The following RAP2A variants were observed in gnomAD, a reference collection of about 807,000 sequenced individuals.
The protein encoded by RAP2A is ras-related protein Rap-2a.
Under a neutral mutation model 15.1 loss-of-function variants are expected in RAP2A, and 5 were observed. The observed-to-expected ratio is 0.33, with a 90% confidence interval of 0.17 to 0.70. The LOEUF (loss-of-function observed/expected upper bound fraction) is 0.70, where lower values mean the gene tolerates loss of function less well. Ranked by LOEUF, RAP2A falls within the 30% of genes least tolerant of loss-of-function variation. The probability of loss-of-function intolerance (pLI) is 0.68; values close to 1 mark genes in which losing one functional copy is unlikely to be tolerated. For synonymous variants in RAP2A, 110 were observed against 99.7 expected (o/e 1.10, Z -0.62); for missense variants, 111 against 240.3 (o/e 0.46, Z 3.56).
Position 97,468,396 on chromosome 13 carries a change from G to A in RAP2A, c.*3954G>A, listed in dbSNP as rs953506771. ...GTTTTCAGGTCATGTGGATCCGAAGGTGCCAGAAGCTGAAGGTTGCCGCCA... is the reference window on the plus strand; with the variant it reads ...GTTTTCAGGTCATGTGGATCCGAAGATGCCAGAAGCTGAAGGTTGCCGCCA... On this transcript the variant is annotated 3_prime_UTR_variant, in exon 2 of 2. Coordinates refer to ENST00000245304, the MANE Select transcript of RAP2A (RefSeq NM_021033.7). The A allele has an allele frequency of 4.6e-5, 7 of 152,260 alleles. No homozygotes were observed. Among genetic ancestry groups the A allele is most frequent in the Admixed American group, 3.3e-4 (5 of 15,284 alleles). 9.4% of individuals were successfully genotyped at this position (152,260 alleles called of 1,614,324 possible).
At chr13:97,460,237 T>TGCA (rs2066740604) in intron 1 of RAP2A, among the ~76,000 whole-genome samples, 1 of 152,214 alleles carries the variant, frequency 6.6e-6, no homozygotes, top group Non-Finnish European at 1.5e-5. Context: ...TTACTCCTGA[T>TGCA]GCACACTTTC....
chr13:97,440,937 A>C (rs1445401620), intron 1 of RAP2A, among the ~76,000 whole-genome samples: 3 of 152,200 alleles, frequency 2.0e-5, no homozygotes, highest in Admixed American at 6.5e-5. Context: ...TCTGGGACTT[A>C]CTTATCTTGC....
At chr13:97,445,986 A>G (rs141190212) in intron 1 of RAP2A, among the ~76,000 whole-genome samples, 17 of 152,360 alleles carry the variant, frequency 1.1e-4, no homozygotes, top group African/African-American at 3.6e-4. Context: ...TATTGCTTGC[A>G]TCAGCATATC....
chr13:97,464,342 C>T lies in RAP2A; in HGVS notation c.452C>T (p.Thr151Ile). ...PFMETSAKSK[T>I]MVDELFAEIV... ...ATGGAAACTTCCGCTAAGAGTAAAA[C>T]AATGGTGGACGAACTCTTTGCAGAA... The change falls in exon 2 of 2, where the codon ACA becomes ATA. Residue 151 changes from threonine (T) to isoleucine (I), a missense_variant. Physicochemically the swap from Thr to Ile is moderately conservative, Grantham distance 89. Around this residue, in one of 3 missense-constraint regions of RAP2A, gnomAD observed 74 missense variants for 132.3 expected, o/e 0.56. Transcript: ENST00000245304. 6.2e-7 allele frequency: 1 copy of T among 1,614,176 alleles called. No homozygotes were observed. Among genetic ancestry groups the T allele is most frequent in the Non-Finnish European group, 8.5e-7 (1 of 1,180,022 alleles).
In RAP2A at chr13:97,466,158, A is replaced by G. The variant is rs1019831760; in HGVS notation, c.*1716A>G. 5 of 151,988 alleles carry G rather than the reference A, an allele frequency of 3.3e-5. No individual in the cohort carries two copies. Among genetic ancestry groups the G allele is most frequent in the Non-Finnish European group, 5.9e-5 (4 of 67,990 alleles). 9.4% of individuals were successfully genotyped at this position (151,988 alleles called of 1,614,324 possible). On this transcript the variant is annotated 3_prime_UTR_variant, in exon 2 of 2. Coordinates refer to ENST00000245304, the MANE Select transcript of RAP2A (RefSeq NM_021033.7). ...AAAGTGTCTTTTATACTTTTATGAA[A>G]TCATTGGTAGCCCCCCAAGTGTTTA...
At position 97,435,237 on chromosome 13, in the gene RAP2A, T is replaced by C. The variant is rs147785033; in HGVS notation, c.314+453T>C. On this transcript the variant is annotated intron_variant, in intron 1 of 1. Coordinates refer to ENST00000245304, the MANE Select transcript of RAP2A (RefSeq NM_021033.7). The stretch of plus-strand genomic sequence containing the variant: ...CAAGTCCAGAGGAAGGAGACCTTTC[T>C]CATCTCGTTAAAGGTTTATGGTTCC... 2.9e-3 allele frequency among the ~76,000 whole-genome samples: 443 copies of C among 152,300 alleles called. 1 individual carries two copies. Among genetic ancestry groups the C allele is most frequent in the Non-Finnish European group, 5.0e-3 (338 of 68,026 alleles).
intron 1 of RAP2A, among the ~76,000 whole-genome samples, chr13:97,447,633 A>G (rs1179578128): frequency 6.6e-6 from 1 of 152,256 alleles, no homozygotes; most frequent in East Asian, 1.9e-4. Flanking sequence ...AAGAAAAATA[A>G]TAAAGCATTT....
intron 1 of RAP2A, among the ~76,000 whole-genome samples, chr13:97,454,602 C>G (rs1302029958): frequency 4.0e-5 from 6 of 151,110 alleles, no homozygotes; most frequent in Non-Finnish European, 8.9e-5. Context: ...TGCGTTACAT[C>G]CACCTATATC....
At chr13:97,437,237 TTA>T (rs982288637) in intron 1 of RAP2A, 43 of 152,330 alleles carry the variant, frequency 2.8e-4, no homozygotes, top group African/African-American at 1.0e-3. Context: ...CTTTACTTCT[TTA>T]TACTGTGTCT....
chr13:97,459,951 T>C (rs2066739557), intron 1 of RAP2A, among the ~76,000 whole-genome samples: 1 of 152,210 alleles, frequency 6.6e-6, no homozygotes, highest in South Asian at 2.1e-4. Flanking sequence ...GTACATGATG[T>C]ATTGATTGTT....
chr13:97,446,711 C>T (rs370507224), intron 1 of RAP2A, among the ~76,000 whole-genome samples: 138 of 152,250 alleles, frequency 9.1e-4, no homozygotes, highest in African/African-American at 3.2e-3. Context: ...CGGAGAGGCC[C>T]GGAGGCTAGA....
rs571040532 is a variant in RAP2A at position 97,436,908 on chromosome 13, T to C, written c.314+2124T>C. Among the ~76,000 whole-genome samples, 91 of 152,324 alleles carry C rather than the reference T, an allele frequency of 6.0e-4. 1 individual carries two copies. In the South Asian group the frequency reaches 0.011, roughly 18 times the overall value. ...TTGTAATATGGTAGTAGTAAGGTAT[T>C]TTACACCTCATCCTAACCCCAGCGT... On this transcript the variant is annotated intron_variant, in intron 1 of 1. Coordinates refer to ENST00000245304, the MANE Select transcript of RAP2A (RefSeq NM_021033.7).
At chr13:97,447,230 T>C (rs1432575564) in intron 1 of RAP2A, among the ~76,000 whole-genome samples, 1 of 152,204 alleles carries the variant, frequency 6.6e-6, no homozygotes, top group Non-Finnish European at 1.5e-5. Context: ...AAGATCACAT[T>C]TAATCGTATT....
At position 97,434,401 on chromosome 13, in the gene RAP2A, TG is replaced by T. The variant is rs2066623535; in HGVS notation, c.-65del. 24 of 1,131,504 alleles carry T rather than the reference TG, an allele frequency of 2.1e-5. No homozygotes were observed. The East Asian group carries it at 1.0e-3, about 49-fold the overall frequency. 70.1% of individuals were successfully genotyped at this position (1,131,504 alleles called of 1,614,324 possible). ...CGGGGCGGGCCGCCGGGGCCGGGGC[TG>T]GGGGCGCAGCGCGGCCGGCGTAGGT... is the stretch of plus-strand genomic sequence containing the variant. On this transcript the variant is annotated 5_prime_UTR_variant, in exon 1 of 2. The change abolishes the stop of an existing upstream ORF in the 5' untranslated region. Transcript: ENST00000245304.
At chr13:97,440,413 C>T (rs1405379533) in intron 1 of RAP2A, among the ~76,000 whole-genome samples, 1 of 151,908 alleles carries the variant, frequency 6.6e-6, no homozygotes, top group Non-Finnish European at 1.5e-5. Context: ...AAATACAAAA[C>T]TAAGATAAAA....
intron 1 of RAP2A, among the ~76,000 whole-genome samples, chr13:97,453,736 T>A (rs902060206): frequency 6.6e-6 from 1 of 151,152 alleles, no homozygotes; most frequent in African/African-American, 2.4e-5. Flanking sequence ...AGGGTGCAAT[T>A]TTTCACTCGT....
intron 1 of RAP2A, among the ~76,000 whole-genome samples, chr13:97,435,681 G>T (rs529353020): frequency 3.9e-5 from 6 of 151,998 alleles, no homozygotes; most frequent in Middle Eastern, 3.2e-3. Context: ...TAAATTCACT[G>T]AATATATTTT....
Position 97,466,350 on chromosome 13 carries a change from T to C in RAP2A, c.*1908T>C, listed in dbSNP as rs2066771614. On this transcript the variant is annotated 3_prime_UTR_variant, in exon 2 of 2. Transcript: ENST00000245304. ...AGTATAATTTTTTATAATCCTCAAT[T>C]ATGAACCACCTTGTTTATAGGACAA... is the stretch of plus-strand genomic sequence containing the variant. 6.6e-6 allele frequency: 1 copy of C among 152,202 alleles called. No homozygotes were observed. Among genetic ancestry groups the C allele is most frequent in the Non-Finnish European group, 1.5e-5 (1 of 68,026 alleles). 9.4% of individuals were successfully genotyped at this position (152,202 alleles called of 1,614,324 possible).
chr13:97,460,591 C>G (rs2066742087), intron 1 of RAP2A, among the ~76,000 whole-genome samples: 1 of 152,160 alleles, frequency 6.6e-6, no homozygotes, highest in Non-Finnish European at 1.5e-5. Flanking sequence ...CAGTCATCTA[C>G]TGTCAACACA....
Sources: allele counts gnomAD v4.1 joint callset (sites outside exome capture counted in the v4.1 genomes callset), GRCh38; gene constraint gnomAD v4.1.1; regional missense constraint gnomAD v4.1.1; transcripts MANE v1.5; gene names NCBI Gene and HGNC (gene_info 2026-07-23, HGNC 2026-07-21).